The following DDRGK1 variants were observed in gnomAD, a reference collection of about 807,000 sequenced individuals.
The protein encoded by DDRGK1 is DDRGK domain containing 1.
In DDRGK1, 38 loss-of-function variants were observed where a neutral mutation model predicts 45.8. The observed-to-expected ratio is 0.83, with a 90% CI of 0.64 to 1.09. The LOEUF is 1.09. DDRGK1 is among the 50% of genes least tolerant of loss of function. The pLI, the probability that DDRGK1 is intolerant of heterozygous loss-of-function variation, is 0.00. For synonymous variants in DDRGK1, 171 were observed against 168.7 expected, an observed-to-expected ratio of 1.01 and a Z score of -0.11; for missense variants, 403 against 419.9, an observed-to-expected ratio of 0.96 and a Z score of 0.35.
intron 4 of DDRGK1, among the ~76,000 whole-genome samples, chr20:3,197,224 GAA>G (rs34672443): frequency 0.023 from 1,713 of 74,640 alleles, 9 homozygotes; most frequent in African/African-American, 0.058. Context: ...CTCCATCTCA[GAA>G]AAAAAAAAAA....
chr20:3,196,536 C>T (rs2067011206), intron 4 of DDRGK1, among the ~76,000 whole-genome samples: 1 of 90,444 alleles, frequency 1.1e-5, no homozygotes, highest in African/African-American at 4.1e-5. Context: ...AAAAAATTAG[C>T]CGGGCGTGGT....
rs1056426691 is a variant in DDRGK1, at chr20:3,190,439, G to A, written c.*214C>T. ...TTCCAAGGGACCCTCCCCACCTCTC[G>A]GATATATTCTGAAGCCTAAATTTCA... On this transcript the variant is annotated 3_prime_UTR_variant, in exon 9 of 9. Transcript: ENST00000354488. The A allele has an allele frequency of 1.7e-5, 10 of 583,540 alleles. No individual in the cohort carries two copies. Among genetic ancestry groups the A allele is most frequent in the African/African-American group, 7.5e-5 (4 of 53,364 alleles). The allele number at this position is 583,540 out of a possible 1,614,324, so 36.1% of individuals were successfully genotyped here.
At chr20:3,199,004 A>G (rs1326068847) in intron 4 of DDRGK1, among the ~76,000 whole-genome samples, 1 of 131,050 alleles carries the variant, frequency 7.6e-6, no homozygotes, top group Non-Finnish European at 1.7e-5. Flanking sequence ...AAAATTAGCC[A>G]GGCATGGTGG....
At position 3,190,594 on chromosome 20, in the gene DDRGK1, T is replaced by A; in HGVS notation, c.*59A>T. 3 of 1,587,384 alleles carry A rather than the reference T, an allele frequency of 1.9e-6. No homozygotes were observed. Among genetic ancestry groups the A allele is most frequent in the Non-Finnish European group, 2.6e-6 (3 of 1,162,238 alleles). ...ACTTCCCCAGGATGGTGGGGAGGGA[T>A]GAAGATGTATAGCCAGGTAGGCCAC... On this transcript the variant is annotated 3_prime_UTR_variant, in exon 9 of 9. Coordinates refer to ENST00000354488, the MANE Select transcript of DDRGK1 (RefSeq NM_023935.3).
Position 3,203,335 on chromosome 20 carries a change from G to A in DDRGK1, c.173C>T (p.Pro58Leu), listed in dbSNP as rs555096998. The part of the protein sequence containing the change: ...AQPGPLEPEE[P>L]RAGGRPRRRR... ...GCGCCGAGGCCTGCCTCCAGCTCTC[G>A]GCTCCTCAGGCTCCAGGGGCCCAGG... Residue 58 changes from proline to leucine, a missense_variant, in exon 2 of 9, where the codon CCG becomes CTG. By Grantham distance (98) the Pro-to-Leu change is moderately conservative. Transcript: ENST00000354488. 9.9e-6 allele frequency: 16 copies of A among 1,608,550 alleles called. No homozygotes were observed. Among genetic ancestry groups the A allele is most frequent in the South Asian group, 4.4e-5 (4 of 90,628 alleles).
intron 2 of DDRGK1, among the ~76,000 whole-genome samples, chr20:3,200,958 A>G (rs1430317937): frequency 6.6e-6 from 1 of 152,126 alleles, no homozygotes; most frequent in Non-Finnish European, 1.5e-5. Context: ...AAAATACAAA[A>G]AATTAGCTGG....
At chr20:3,194,959 G>A (rs1422874454) in intron 5 of DDRGK1, 91 bp from the exon 6 acceptor site, 11 of 1,530,372 alleles carry the variant, frequency 7.2e-6, no homozygotes, top group Admixed American at 1.9e-5. Flanking sequence ...CTCACTTGAG[G>A]GCCACCTGCC....
chr20:3,196,378 A>T (rs1240384821), intron 4 of DDRGK1, among the ~76,000 whole-genome samples: 1 of 152,158 alleles, frequency 6.6e-6, no homozygotes, highest in East Asian at 1.9e-4. Flanking sequence ...ACTCAGAAAA[A>T]TTTTTAAATG....
At position 3,196,521 on chromosome 20, in the gene DDRGK1, C is replaced by CAA. The variant is rs11382726; in HGVS notation, c.511-1170_511-1169dup. 3.2e-3 allele frequency among the ~76,000 whole-genome samples: 460 copies of CAA among 145,926 alleles called. 5 individuals are homozygous for CAA. The highest frequency in any genetic ancestry group is 0.011 in the African/African-American group (421 of 39,048). On this transcript the variant is annotated intron_variant, in intron 4 of 8. Coordinates refer to ENST00000354488, the MANE Select transcript of DDRGK1 (RefSeq NM_023935.3). Reference sequence around the variant, plus strand: ...TGAAACCCTGTCTCCACTAAAAATACAAAAAAAAAATTAGCCGGGCGTGGT... The same window carrying CAA: ...TGAAACCCTGTCTCCACTAAAAATACAAAAAAAAAAAATTAGCCGGGCGTGGT...
intron 1 of DDRGK1, 106 bp downstream of exon 1, chr20:3,204,431 G>T: frequency 8.3e-7 from 1 of 1,202,844 alleles, no homozygotes; most frequent in Non-Finnish European, 1.2e-6. Context: ...CATGCGTCCC[G>T]CCCGCCCAGG....
intron 2 of DDRGK1, among the ~76,000 whole-genome samples, chr20:3,201,622 A>G (rs2067040000): frequency 6.6e-6 from 1 of 151,952 alleles, no homozygotes; most frequent in African/African-American, 2.4e-5. Context: ...GCCAGAATAC[A>G]GCATAGGGGA....
At chr20:3,191,734 T>C (rs759258896) in intron 7 of DDRGK1, 31 bp downstream of exon 7, 1 of 1,586,170 alleles carries the variant, frequency 6.3e-7, no homozygotes, top group Non-Finnish European at 8.6e-7. Context: ...CTGGCCACAC[T>C]GCACACAGCA....
Position 3,204,026 on chromosome 20 carries a change from T to C in DDRGK1, c.91+511A>G, listed in dbSNP as rs181453397. Reference sequence around the variant, plus strand: ...CATGGCCTTCTGATCGGGGAGCGGATTGGGGAGGGAGAGTGGGCCCTCTCC... The same window carrying C: ...CATGGCCTTCTGATCGGGGAGCGGACTGGGGAGGGAGAGTGGGCCCTCTCC... On this transcript the variant is annotated intron_variant, in intron 1 of 8. Coordinates refer to ENST00000354488, the MANE Select transcript of DDRGK1 (RefSeq NM_023935.3). Among the ~76,000 whole-genome samples the C allele has an allele frequency of 7.2e-3, 1,091 of 151,980 alleles. 6 individuals carry two copies. The highest frequency in any genetic ancestry group is 8.7e-3 in the Non-Finnish European group (590 of 67,940).
intron 8 of DDRGK1, among the ~76,000 whole-genome samples, 165 bp from the exon 9 acceptor site, chr20:3,190,984 T>C (rs1435159000): frequency 6.6e-6 from 1 of 152,206 alleles, no homozygotes; most frequent in African/African-American, 2.4e-5. Flanking sequence ...CGAATCAGGC[T>C]GCCCTGCCTG....
intron 4 of DDRGK1, among the ~76,000 whole-genome samples, chr20:3,198,328 C>G (rs1350018923): frequency 2.1e-5 from 3 of 144,608 alleles, no homozygotes; most frequent in Non-Finnish European, 4.5e-5. Flanking sequence ...CACTTGAACC[C>G]AAGAGGCAGA....
At chr20:3,200,609 A>G (rs937524239) in intron 2 of DDRGK1, among the ~76,000 whole-genome samples, 155 bp from the exon 3 acceptor site, 1 of 152,204 alleles carries the variant, frequency 6.6e-6, no homozygotes, top group African/African-American at 2.4e-5. Flanking sequence ...GGCATCTGCC[A>G]TGAGTGCGTG....
chr20:3,203,182 C>A (rs1213031382), intron 2 of DDRGK1, 31 bp downstream of exon 2: 2 of 1,512,906 alleles, frequency 1.3e-6, no homozygotes, highest in Non-Finnish European at 1.8e-6. Flanking sequence ...CCAACCCAAA[C>A]CCTCTCCCCA....
chr20:3,191,675 C>T (rs1477920789), intron 7 of DDRGK1, 90 bp downstream of exon 7: 1 of 1,394,072 alleles, frequency 7.2e-7, no homozygotes, highest in Non-Finnish European at 1.0e-6. Flanking sequence ...GTAGACGGTG[C>T]ATCAAGACTC....
At chr20:3,195,377 C>A (rs2122232491) in intron 4 of DDRGK1, 24 bp from the exon 5 acceptor site, 1 of 1,572,470 alleles carries the variant, frequency 6.4e-7, no homozygotes, top group South Asian at 1.2e-5. Context: ...AGGCAAAAGT[C>A]AGGTATCGGG....
Sources: allele counts gnomAD v4.1 joint callset (sites outside exome capture counted in the v4.1 genomes callset), GRCh38; gene constraint gnomAD v4.1.1; transcripts MANE v1.5; gene names NCBI Gene and HGNC (gene_info 2026-07-23, HGNC 2026-07-21).